WNT2B: variants seen among roughly 807,000 people sequenced by gnomAD.
WNT2B encodes protein Wnt-2b.
A neutral mutation model predicts 40.5 loss-of-function variants in WNT2B; 19 were observed. That is an observed-to-expected ratio of 0.47 (90% CI 0.33 to 0.69). The LOEUF (loss-of-function observed/expected upper bound fraction) is 0.69, where lower values mean the gene tolerates loss of function less well. WNT2B is among the 30% of genes least tolerant of loss of function. The pLI is 0.02. For synonymous variants in WNT2B, 220 were observed against 211.9 expected (o/e 1.04, Z -0.33); for missense variants, 467 against 556.4 (o/e 0.84, Z 1.62).
At chr1:112,478,144 G>A (rs1651106145) in intron 1 of WNT2B, among the ~76,000 whole-genome samples, 1 of 152,090 alleles carries the variant, frequency 6.6e-6, no homozygotes. Flanking sequence ...TGAGTTAGGA[G>A]GATCACTTGC....
chr1:112,510,238 C>T (rs542724243), intron 1 of WNT2B, among the ~76,000 whole-genome samples: 6 of 152,108 alleles, frequency 3.9e-5, no homozygotes, highest in Admixed American at 2.0e-4. Flanking sequence ...CTGGATGTCT[C>T]GTGTCTGTTC....
At chr1:112,500,854 A>G (rs887952722) in intron 1 of WNT2B, among the ~76,000 whole-genome samples, 8 of 152,206 alleles carry the variant, frequency 5.3e-5, no homozygotes, top group Admixed American at 1.3e-4. Context: ...GTGCCCATAT[A>G]TCCCAGTTTT....
At chr1:112,492,842 GC>G (rs947310052) in intron 1 of WNT2B, among the ~76,000 whole-genome samples, 3 of 152,146 alleles carry the variant, frequency 2.0e-5, no homozygotes, top group African/African-American at 7.2e-5. Flanking sequence ...TGCGAGGTGC[GC>G]AGTCCAGAGG....
intron 1 of WNT2B, chr1:112,491,059 G>A: frequency 6.2e-7 from 1 of 1,614,102 alleles, no homozygotes; most frequent in East Asian, 2.2e-5. Flanking sequence ...TACACAGTCA[G>A]CGTTCAACAA....
chr1:112,490,388 A>C (rs1415379535), intron 1 of WNT2B, among the ~76,000 whole-genome samples: 1 of 152,236 alleles, frequency 6.6e-6, no homozygotes, highest in Non-Finnish European at 1.5e-5. Context: ...TCTGTTTTCA[A>C]TGTAACCTGT....
chr1:112,490,154 A>C (rs1199213718), intron 1 of WNT2B, among the ~76,000 whole-genome samples: 1 of 152,220 alleles, frequency 6.6e-6, no homozygotes, highest in Admixed American at 6.5e-5. Context: ...CACCTCGCAC[A>C]GGTCGATGAT....
At chr1:112,488,843 T>A (rs1651505412) in intron 1 of WNT2B, among the ~76,000 whole-genome samples, 1 of 152,066 alleles carries the variant, frequency 6.6e-6, no homozygotes, top group Admixed American at 6.6e-5. Context: ...CATGAGCCAC[T>A]GTGCCTGGCC....
intron 1 of WNT2B, among the ~76,000 whole-genome samples, chr1:112,468,224 G>A (rs964571735): frequency 2.0e-5 from 3 of 152,074 alleles, no homozygotes; most frequent in Non-Finnish European, 4.4e-5. Context: ...GGACACTTAG[G>A]TTTATATCTT....
At chr1:112,493,238 C>A (rs543687202) in intron 1 of WNT2B, among the ~76,000 whole-genome samples, 5 of 152,174 alleles carry the variant, frequency 3.3e-5, no homozygotes, top group African/African-American at 1.2e-4. Flanking sequence ...AGCACTACGA[C>A]GAAAGAATGC....
rs1471169584 is a variant in WNT2B, at chr1:112,524,818, A to C, written c.*4309A>C. On this transcript the variant is annotated 3_prime_UTR_variant, in exon 5 of 5. Transcript: ENST00000369684. ...GAGAACTTCTCTCAGGCTGCATAGG[A>C]GTTCTGCTCATCCTCCTCTCCCCAA... The C allele has an allele frequency of 6.6e-6, 1 of 152,142 alleles. No homozygotes were observed. 9.4% of individuals were successfully genotyped at this position (152,142 alleles called of 1,614,324 possible). A position where few individuals can be genotyped will look rare whatever the true frequency, so the allele number is the denominator to read the frequency against.
In WNT2B at chr1:112,528,953, T is replaced by G. The variant is rs1177029531; in HGVS notation, c.*8444T>G. The G allele has an allele frequency of 6.6e-6, 1 of 152,210 alleles. No homozygotes were observed. Among genetic ancestry groups the G allele is most frequent in the African/African-American group, 2.4e-5 (1 of 41,448 alleles). 9.4% of individuals were successfully genotyped at this position (152,210 alleles called of 1,614,324 possible). On this transcript the variant is annotated 3_prime_UTR_variant, in exon 5 of 5. Coordinates refer to ENST00000369684, the MANE Select transcript of WNT2B (RefSeq NM_024494.3). ...AAGGAGACAAATTCTAACTTCATGA[T>G]CTCTAGTTAGGTGTCTATTTTCCTG...
At chr1:112,470,179 T>A (rs1187586346) in intron 1 of WNT2B, among the ~76,000 whole-genome samples, 1 of 152,216 alleles carries the variant, frequency 6.6e-6, no homozygotes, top group South Asian at 2.1e-4. Flanking sequence ...TTGATGAAAT[T>A]CCTCAGCTTT....
chr1:112,478,584 A>T (rs1186802167), intron 1 of WNT2B, among the ~76,000 whole-genome samples: 1 of 152,174 alleles, frequency 6.6e-6, no homozygotes, highest in African/African-American at 2.4e-5. Flanking sequence ...AAGAAAAAAA[A>T]ATGCCATTTA....
At chr1:112,488,677 G>A (rs58903835) in intron 1 of WNT2B, among the ~76,000 whole-genome samples, 1 of 150,760 alleles carries the variant, frequency 6.6e-6, no homozygotes, top group South Asian at 2.1e-4. Flanking sequence ...TCAGCCTCCC[G>A]AGTAGCTGGG....
rs1650862591 is a variant in WNT2B at position 112,470,928 on chromosome 1, G to T, written c.-95+3337G>T. ...GTGTCTGCTCTGGCTTACTGTGACTGTGTCCCAGGGGCTTCCTCCTTGGTG... is the reference window on the plus strand; with the variant it reads ...GTGTCTGCTCTGGCTTACTGTGACTTTGTCCCAGGGGCTTCCTCCTTGGTG... On this transcript the variant is annotated intron_variant, in intron 1 of 4. Transcript: ENST00000256640. 2.0e-5 allele frequency among the ~76,000 whole-genome samples: 3 copies of T among 152,334 alleles called. No homozygotes were observed. The South Asian group carries it at 6.2e-4, about 32-fold the overall frequency.
In WNT2B at chr1:112,521,149, C is replaced by T. The variant is rs2273368; in HGVS notation, c.*640C>T. The T allele has an allele frequency of 0.19, 28,477 of 152,868 alleles. 3,326 individuals are homozygous for T. Among genetic ancestry groups the T allele is most frequent in the East Asian group, 0.46 (2,359 of 5,148 alleles). The allele number at this position is 152,868 out of a possible 1,614,324, so 9.5% of individuals were successfully genotyped here. A position where few individuals can be genotyped will look rare whatever the true frequency, so the allele number is the denominator to read the frequency against. ...ATTCATTCTCTCTTTTTCTCTCTAC[C>T]ATTCTCAACCTGTATTGGACAGCAC... On this transcript the variant is annotated 3_prime_UTR_variant, in exon 5 of 5. Coordinates refer to ENST00000369684, the MANE Select transcript of WNT2B (RefSeq NM_024494.3).
In WNT2B at chr1:112,515,069, C is replaced by T. The variant is rs142129756; in HGVS notation, c.378C>T (p.Thr126=). 3.7e-6 allele frequency: 6 copies of T among 1,614,140 alleles called. No individual in the cohort carries two copies. Among genetic ancestry groups the T allele is most frequent in the East Asian group, 4.5e-5 (2 of 44,878 alleles). ...WNCTTLDRDH[T]VFGRVMLRSS... ...GTACCACCCTGGACCGGGACCACAC[C>T]GTCTTTGGCCGTGTCATGCTCAGAA... Residue 126 remains threonine, a synonymous_variant, in exon 2 of 5, where the codon ACC becomes ACT. Transcript: ENST00000369684. This position sits in a 1 kb window ranked among gnomAD's most constrained non-coding sequence, Gnocchi z 4.4.
intron 1 of WNT2B, among the ~76,000 whole-genome samples, chr1:112,474,066 A>G (rs150163469): frequency 3.1e-4 from 1 of 3,198 alleles, no homozygotes; most frequent in Non-Finnish European, 6.3e-4. Flanking sequence ...CTCTGTCTCA[A>G]AAAAAAAAAA....
rs1652472190 is a variant in WNT2B, at chr1:112,514,889, G to A, written c.198G>A (p.Leu66=). The A allele has an allele frequency of 6.2e-7, 1 of 1,614,096 alleles. No homozygotes were observed. The highest frequency in any genetic ancestry group is 1.3e-5 in the African/African-American group (1 of 74,930). Residue 66 remains leucine (L), a synonymous_variant, in exon 2 of 5, where the codon CTG becomes CTA. Transcript: ENST00000369684. The part of the protein sequence containing the change: ...VDTSWWYIGA[L]GARVICDNIP... ...TGCCTTGCAGGTACATTGGGGCACT[G>A]GGGGCACGAGTGATCTGTGACAATA...
Sources: allele counts gnomAD v4.1 joint callset (sites outside exome capture counted in the v4.1 genomes callset), GRCh38; gene constraint gnomAD v4.1.1; non-coding constraint Gnocchi (gnomAD v3.1); transcripts MANE v1.5; gene names NCBI Gene and HGNC (gene_info 2026-07-23, HGNC 2026-07-21).